The following ADGRF5 variants were observed in gnomAD, a reference collection of about 807,000 sequenced individuals.
ADGRF5 encodes the protein adhesion G protein-coupled receptor F5, also known as G-protein coupled receptor 116.
In ADGRF5, 75 loss-of-function variants were observed where a neutral mutation model predicts 132.3. The ratio of observed to expected loss-of-function variants is 0.57; its 90% confidence interval spans 0.47 to 0.69. The LOEUF is 0.69. ADGRF5 is among the 30% of genes least tolerant of loss of function. The probability of loss-of-function intolerance (pLI) is 0.00; values close to 1 mark genes in which losing one functional copy is unlikely to be tolerated. For synonymous variants in ADGRF5, 629 were observed against 597.6 expected, an observed-to-expected ratio of 1.05 and a Z score of -0.77; for missense variants, 1,516 against 1,630.6, an observed-to-expected ratio of 0.93 and a Z score of 1.21.
chr6:46,924,633 A>G (rs2150929733), upstream of ADGRF5, among the ~76,000 whole-genome samples: 1 of 152,268 alleles, frequency 6.6e-6, no homozygotes, highest in Admixed American at 6.5e-5. Flanking sequence ...CCACGTATTC[A>G]ACTGCTTACT....
intron 2 of ADGRF5, chr6:46,903,321 T>C (rs1048859407): frequency 1.3e-5 from 2 of 151,988 alleles, no homozygotes; most frequent in African/African-American, 4.8e-5. Flanking sequence ...TGTGTAGAGG[T>C]CCCCAGGGGA....
intron 1 of ADGRF5, among the ~76,000 whole-genome samples, chr6:46,921,231 G>T (rs1420111900): frequency 6.6e-6 from 1 of 152,158 alleles, no homozygotes; most frequent in East Asian, 1.9e-4. Context: ...TCCTTTGGAA[G>T]GACTCTCCCG....
chr6:46,896,152 C>G (rs1467111726), intron 3 of ADGRF5, among the ~76,000 whole-genome samples: 1 of 152,160 alleles, frequency 6.6e-6, no homozygotes, highest in East Asian at 1.9e-4. Context: ...TTTATTTAGC[C>G]ATAACCATGG....
chr6:46,905,047 G>C (rs1378554717), intron 2 of ADGRF5, among the ~76,000 whole-genome samples: 1 of 152,030 alleles, frequency 6.6e-6, no homozygotes, highest in African/African-American at 2.4e-5. Context: ...GCTTTGCCAG[G>C]GCCATCACTA....
intron 14 of ADGRF5, among the ~76,000 whole-genome samples, chr6:46,863,676 TC>T (rs1293550021): frequency 6.6e-6 from 1 of 152,200 alleles, no homozygotes; most frequent in Admixed American, 6.5e-5. Context: ...GTGGAATCTC[TC>T]ATGTCCAGTG....
At chr6:46,867,950 G>A (rs1770631293) in intron 12 of ADGRF5, among the ~76,000 whole-genome samples, 1 of 152,162 alleles carries the variant, frequency 6.6e-6, no homozygotes, top group Non-Finnish European at 1.5e-5. Context: ...CTTTTAGTAG[G>A]AAAGAGTAAT....
chr6:46,870,506 A>G (rs1434821972), intron 11 of ADGRF5, among the ~76,000 whole-genome samples: 2 of 152,154 alleles, frequency 1.3e-5, no homozygotes, highest in African/African-American at 4.8e-5. Context: ...AGGGCTTTTT[A>G]CAGTTACCAT....
At chr6:46,901,448 T>C (rs894802226) in intron 2 of ADGRF5, among the ~76,000 whole-genome samples, 2 of 152,232 alleles carry the variant, frequency 1.3e-5, no homozygotes, top group African/African-American at 4.8e-5. Context: ...GAGCTCATTC[T>C]GCCGTCAGGG....
chr6:46,868,940 A>C lies in ADGRF5; in HGVS notation c.1564T>G (p.Tyr522Asp). ...AGTACTGATTCTGCTCCATCAAGAT[A>C]CCTCCTCGTGGTATAAAATCTTTGG... The part of the protein sequence containing the change: ...IYQRFYTTRR[Y>D]LDGAESVLTV... The change falls in exon 12 of 21, where the codon TAT (tyrosine) becomes GAT (aspartate). Residue 522 changes from tyrosine to aspartate, a missense_variant. Physicochemically the swap from Tyr to Asp is radical, Grantham distance 160. This residue lies in a region of ADGRF5 where 945 missense variants were observed against 929.4 expected (regional missense o/e 1.02). Transcript: ENST00000283296. 6.2e-7 allele frequency: 1 copy of C among 1,613,636 alleles called. No homozygotes were observed. Among genetic ancestry groups the C allele is most frequent in the African/African-American group, 1.3e-5 (1 of 74,974 alleles).
At chr6:46,953,649 GTGTATA>G (rs1172282042) in intron 1 of ADGRF5, among the ~76,000 whole-genome samples, 15,504 of 91,218 alleles carry the variant, frequency 0.17, 1,953 homozygotes, top group Admixed American at 0.24. Context: ...ATAGATATAT[GTGTATA>G]TATATATATA....
chr6:46,897,929 G>T (rs1774352198), intron 3 of ADGRF5, among the ~76,000 whole-genome samples: 1 of 152,142 alleles, frequency 6.6e-6, no homozygotes, highest in Non-Finnish European at 1.5e-5. Context: ...CAGCGATTTT[G>T]TAAAAGTACC....
At chr6:46,874,919 A>G (rs976673548) in intron 10 of ADGRF5, among the ~76,000 whole-genome samples, 1 of 152,216 alleles carries the variant, frequency 6.6e-6, no homozygotes, top group African/African-American at 2.4e-5. Flanking sequence ...TCTTGTAGGT[A>G]CAGGCTGGGG....
intron 3 of ADGRF5, among the ~76,000 whole-genome samples, chr6:46,890,340 G>A (rs540465059): frequency 6.6e-6 from 1 of 152,106 alleles, no homozygotes; most frequent in South Asian, 2.1e-4. Flanking sequence ...CGATCTGCCT[G>A]CCTTGGCCTC....
At chr6:46,926,583 A>G (rs1301071665), upstream of ADGRF5, among the ~76,000 whole-genome samples, 3 of 152,058 alleles carry the variant, frequency 2.0e-5, no homozygotes, top group Non-Finnish European at 4.4e-5. Context: ...CTGACCACCA[A>G]TGGCCTGTGA....
chr6:46,929,001 C>T (rs1777398247), intron 1 of ADGRF5, among the ~76,000 whole-genome samples: 1 of 152,082 alleles, frequency 6.6e-6, no homozygotes, highest in South Asian at 2.1e-4. Context: ...GGTATATACC[C>T]AAAGTATTAT....
chr6:46,943,743 T>C (rs979898173), intron 1 of ADGRF5, among the ~76,000 whole-genome samples: 1 of 152,204 alleles, frequency 6.6e-6, no homozygotes, highest in Non-Finnish European at 1.5e-5. Flanking sequence ...TGAGGCAGAC[T>C]ATGAATCCCA....
intron 1 of ADGRF5, among the ~76,000 whole-genome samples, chr6:46,931,102 C>G (rs771278553): frequency 6.6e-6 from 1 of 152,136 alleles, no homozygotes; most frequent in Non-Finnish European, 1.5e-5. Context: ...TTCTAATCTT[C>G]TTGCACCTGC....
intron 1 of ADGRF5, among the ~76,000 whole-genome samples, chr6:46,913,082 AG>A (rs1445646422): frequency 2.6e-5 from 4 of 152,284 alleles, no homozygotes; most frequent in East Asian, 1.9e-4. Flanking sequence ...AATTCTTCTT[AG>A]TACTCCCACC....
chr6:46,872,337 T>C (rs220678), intron 10 of ADGRF5, among the ~76,000 whole-genome samples: 54,383 of 151,962 alleles, frequency 0.36, 11,621 homozygotes, highest in East Asian at 0.53. Context: ...AATGAGATAA[T>C]ATACATAAAC....
Sources: allele counts gnomAD v4.1 joint callset (sites outside exome capture counted in the v4.1 genomes callset), GRCh38; gene constraint gnomAD v4.1.1; regional missense constraint gnomAD v4.1.1; transcripts MANE v1.5; gene names NCBI Gene and HGNC (gene_info 2026-07-23, HGNC 2026-07-21).